Variants in NEGR1 observed in about 807,000 individuals in gnomAD.
The protein encoded by NEGR1 is IgLON family member 4.
A neutral mutation model predicts 40.9 loss-of-function variants in NEGR1; 10 were observed. That is an observed-to-expected ratio of 0.24 (90% CI 0.15 to 0.42). The LOEUF (loss-of-function observed/expected upper bound fraction) is 0.42. Ranked by LOEUF, NEGR1 falls within the 10% of genes least tolerant of loss-of-function variation. The probability of loss-of-function intolerance (pLI) is 1.00; values close to 1 mark genes in which losing one functional copy is unlikely to be tolerated. For missense variants in NEGR1, 352 were observed against 438.9 expected (o/e 0.80, Z 1.77); for synonymous variants, 185 against 166.8 (o/e 1.11, Z -0.84).
At chr1:71,951,302 C>T (rs987126355) in intron 1 of NEGR1, among the ~76,000 whole-genome samples, 1 of 151,880 alleles carries the variant, frequency 6.6e-6, no homozygotes, top group African/African-American at 2.4e-5. Context: ...AACAGATGCT[C>T]GGTGGCCCTT....
At chr1:72,278,882 T>C (rs1336413929) in intron 1 of NEGR1, among the ~76,000 whole-genome samples, 2 of 152,150 alleles carry the variant, frequency 1.3e-5, no homozygotes, top group Non-Finnish European at 2.9e-5. Flanking sequence ...CAAATTACAA[T>C]GTATTTTAGA....
At chr1:72,010,546 C>T (rs954453337) in intron 1 of NEGR1, among the ~76,000 whole-genome samples, 2 of 152,102 alleles carry the variant, frequency 1.3e-5, no homozygotes, top group South Asian at 2.1e-4. Context: ...ACTCTTCATA[C>T]CTGCCAGTCT....
chr1:71,710,772 A>G (rs908904615), intron 3 of NEGR1, among the ~76,000 whole-genome samples: 6 of 150,616 alleles, frequency 4.0e-5, no homozygotes, highest in Non-Finnish European at 7.4e-5. Flanking sequence ...GGGGTTAGTT[A>G]ATGGGTACTA....
chr1:71,998,318 T>C (rs1646523498), intron 1 of NEGR1, among the ~76,000 whole-genome samples: 1 of 151,976 alleles, frequency 6.6e-6, no homozygotes, highest in South Asian at 2.1e-4. Context: ...ATTAATTGTG[T>C]TCCTCCCTAT....
chr1:71,818,162 G>A lies in NEGR1; in HGVS notation c.410-41865C>T, dbSNP rs147852552. Among the ~76,000 whole-genome samples, 162 of 151,982 alleles carry A rather than the reference G, an allele frequency of 1.1e-3. 1 individual carries two copies. Among genetic ancestry groups the A allele is most frequent in the East Asian group, 6.8e-3 (35 of 5,144 alleles). On this transcript the variant is annotated intron_variant, in intron 2 of 6. Transcript: ENST00000357731. ...CTCAAAGAACTTAGAATTACCATTC[G>A]ACCCAGCAATCTCATTATTAGGTAT...
intron 1 of NEGR1, among the ~76,000 whole-genome samples, chr1:71,992,945 T>C (rs557894578): frequency 1.3e-5 from 2 of 152,210 alleles, no homozygotes; most frequent in East Asian, 1.9e-4. Flanking sequence ...TAAGGAAATA[T>C]GGGTTTTCCC....
intron 1 of NEGR1, among the ~76,000 whole-genome samples, chr1:72,077,087 G>C (rs1647776308): frequency 6.6e-6 from 1 of 151,688 alleles, no homozygotes; most frequent in Non-Finnish European, 1.5e-5. Context: ...TAGAGAAAAG[G>C]TTTCTACCAT....
At chr1:71,837,474 T>C (rs1412411607) in intron 2 of NEGR1, among the ~76,000 whole-genome samples, 2 of 152,070 alleles carry the variant, frequency 1.3e-5, no homozygotes, top group Non-Finnish European at 2.9e-5. Context: ...CTTTTTTTGT[T>C]GCCGTTAAAA....
rs1296023645 is a variant in NEGR1 at position 71,405,481 on chromosome 1, A to G, written c.*1965T>C. The G allele has an allele frequency of 1.3e-5, 2 of 152,258 alleles. No individual in the cohort carries two copies. The highest frequency in any genetic ancestry group is 3.0e-5 in the Non-Finnish European group (2 of 67,784). The allele number at this position is 152,258 out of a possible 1,614,324, so 9.4% of individuals were successfully genotyped here. A position where few individuals can be genotyped will look rare whatever the true frequency, so the allele number is the denominator to read the frequency against. ...TATTTCTTAAAAGCAAATAAATAAT[A>G]AAGTTAAATGCCATATTTGTTCTAA... On this transcript the variant is annotated 3_prime_UTR_variant, in exon 7 of 7. Transcript: ENST00000357731.
At chr1:72,141,869 A>G (rs1164716236) in intron 1 of NEGR1, among the ~76,000 whole-genome samples, 5 of 151,984 alleles carry the variant, frequency 3.3e-5, no homozygotes, top group Non-Finnish European at 7.4e-5. Flanking sequence ...GTAAATCTCC[A>G]TAACTGCCAG....
chr1:71,530,916 TC>T (rs1285385999), intron 6 of NEGR1, among the ~76,000 whole-genome samples: 1 of 151,090 alleles, frequency 6.6e-6, no homozygotes, highest in Non-Finnish European at 1.5e-5. Context: ...TGTGTATTTT[TC>T]CCCCAAATTT....
At chr1:72,098,910 A>C (rs1370937138) in intron 1 of NEGR1, among the ~76,000 whole-genome samples, 1 of 151,798 alleles carries the variant, frequency 6.6e-6, no homozygotes, top group Non-Finnish European at 1.5e-5. Flanking sequence ...AAACTAAATA[A>C]AAAATAAAAC....
chr1:71,990,314 T>G (rs1195590079), intron 1 of NEGR1, among the ~76,000 whole-genome samples: 1 of 152,136 alleles, frequency 6.6e-6, no homozygotes. Flanking sequence ...TCAATAACAT[T>G]ATTATTTAAT....
chr1:71,550,516 C>G (rs1446501673), intron 6 of NEGR1, among the ~76,000 whole-genome samples: 2 of 151,322 alleles, frequency 1.3e-5, no homozygotes, highest in African/African-American at 4.8e-5. Context: ...GCCCTTCATG[C>G]AGGGACACTA....
intron 1 of NEGR1, among the ~76,000 whole-genome samples, chr1:71,983,581 A>C (rs973081987): frequency 1.3e-5 from 2 of 152,322 alleles, no homozygotes; most frequent in Admixed American, 1.3e-4. Context: ...TACTTTGAGC[A>C]GATACAATCA....
intron 1 of NEGR1, among the ~76,000 whole-genome samples, chr1:72,170,644 C>T (rs771686863): frequency 1.1e-4 from 16 of 152,172 alleles, no homozygotes; most frequent in Non-Finnish European, 2.1e-4. Flanking sequence ...AGAGCAAATT[C>T]ATTTGTTTAC....
At chr1:71,855,317 G>A (rs1659726985) in intron 2 of NEGR1, among the ~76,000 whole-genome samples, 2 of 151,910 alleles carry the variant, frequency 1.3e-5, no homozygotes, top group Admixed American at 6.6e-5. Flanking sequence ...TTTTTCACCA[G>A]TGAGATTATT....
At chr1:71,437,989 A>G (rs898152104) in intron 6 of NEGR1, among the ~76,000 whole-genome samples, 1 of 152,332 alleles carries the variant, frequency 6.6e-6, no homozygotes, top group Non-Finnish European at 1.5e-5. Context: ...AGATTTTCTC[A>G]CAGGGGCTGC....
intron 1 of NEGR1, among the ~76,000 whole-genome samples, chr1:72,278,859 T>G (rs1656152101): frequency 2.0e-5 from 3 of 152,130 alleles, no homozygotes; most frequent in Non-Finnish European, 4.4e-5. Flanking sequence ...ATGGCAACAG[T>G]TTGTGTTTAT....
Sources: gnomAD v4.1 joint callset for allele counts (sites outside exome capture counted in the v4.1 genomes callset) on GRCh38, gnomAD v4.1.1 for gene constraint, MANE v1.5 for transcripts, NCBI Gene and HGNC (gene_info 2026-07-23, HGNC 2026-07-21) for gene names.